Variants in SEMA3C observed in about 807,000 individuals in gnomAD.
SEMA3C encodes the protein semaphorin 3C.
In SEMA3C, 47 loss-of-function variants were observed where a neutral mutation model predicts 89.4. That is an observed-to-expected ratio of 0.53 (90% CI 0.42 to 0.67). SEMA3C has a LOEUF of 0.67. SEMA3C is among the 30% of genes least tolerant of loss of function. The pLI, the probability that SEMA3C is intolerant of heterozygous loss-of-function variation, is 0.00. For missense variants in SEMA3C, 839 were observed against 929.1 expected (o/e 0.90, Z 1.26); for synonymous variants, 310 against 320.2 (o/e 0.97, Z 0.34).
chr7:80,861,219 T>C (rs1307821270), intron 2 of SEMA3C, among the ~76,000 whole-genome samples: 2 of 152,204 alleles, frequency 1.3e-5, no homozygotes, highest in Non-Finnish European at 2.9e-5. Flanking sequence ...AGTTTATCTA[T>C]TATTGAAAAG....
intron 2 of SEMA3C, among the ~76,000 whole-genome samples, chr7:80,874,904 A>C (rs1014134906): frequency 4.6e-5 from 7 of 151,860 alleles, no homozygotes; most frequent in African/African-American, 1.7e-4. Context: ...AACAAGATGA[A>C]ACCCCAACTC....
chr7:80,754,947 G>GTTTTTTTTTTTT (rs1031680674), intron 15 of SEMA3C, among the ~76,000 whole-genome samples: 8 of 13,112 alleles, frequency 6.1e-4, no homozygotes, highest in Non-Finnish European at 1.8e-3. Context: ...CTGGCGAATT[G>GTTTTTTTTTTTT]TTTTTTTTTG....
chr7:80,876,805 A>G (rs1266778604), intron 2 of SEMA3C, among the ~76,000 whole-genome samples: 1 of 152,234 alleles, frequency 6.6e-6, no homozygotes, highest in Non-Finnish European at 1.5e-5. Context: ...CTGATTTGTC[A>G]CATGCAAAAT....
chr7:80,810,851 C>T (rs942072449), intron 5 of SEMA3C, 150 bp from the exon 6 acceptor site: 1 of 634,884 alleles, frequency 1.6e-6, no homozygotes, highest in Non-Finnish European at 2.8e-6. Context: ...AAGATTTACT[C>T]AAACTATGAG....
At chr7:80,775,817 A>G (rs1788535921) in intron 12 of SEMA3C, among the ~76,000 whole-genome samples, 1 of 152,172 alleles carries the variant, frequency 6.6e-6, no homozygotes, top group African/African-American at 2.4e-5. Context: ...TCCTATTCAA[A>G]TACTTCTGAG....
chr7:80,908,993 T>C (rs1426183023), intron 2 of SEMA3C, among the ~76,000 whole-genome samples: 23 of 152,156 alleles, frequency 1.5e-4, no homozygotes. Context: ...CAGTTTTTGT[T>C]ATATGAATAT....
chr7:80,908,654 G>A (rs929265307), intron 2 of SEMA3C, among the ~76,000 whole-genome samples: 2 of 152,180 alleles, frequency 1.3e-5, no homozygotes, highest in Admixed American at 6.5e-5. Flanking sequence ...CGTTATCTGT[G>A]CTAGGGATGG....
At chr7:80,891,128 A>G (rs1791601378) in intron 2 of SEMA3C, among the ~76,000 whole-genome samples, 1 of 152,150 alleles carries the variant, frequency 6.6e-6, no homozygotes, top group South Asian at 2.1e-4. Context: ...CATGTAATAG[A>G]GGTCTACCTT....
intron 2 of SEMA3C, among the ~76,000 whole-genome samples, chr7:80,845,968 T>A (rs918963666): frequency 3.3e-5 from 5 of 152,334 alleles, no homozygotes; most frequent in African/African-American, 1.2e-4. Context: ...AAGTCATGCC[T>A]ACTTTAAGAA....
chr7:80,789,444 G>A lies in SEMA3C; in HGVS notation c.1216C>T (p.Leu406Phe). ...DVVTFIRNHP[L>F]MYNSIYPIHK... ...ATTGGGTAGATGGAATTGTACATGA[G>A]AGGATGGTTCCGAATAAAAGTGACA... Residue 406 changes from leucine to phenylalanine, a missense_variant, in exon 12 of 18, where the codon CTC becomes TTC. By Grantham distance (22) the Leu-to-Phe change is conservative (BLOSUM62 0). Coordinates refer to ENST00000265361, the MANE Select transcript of SEMA3C (RefSeq NM_006379.5). 2 of 1,614,072 alleles carry A rather than the reference G, an allele frequency of 1.2e-6. No homozygotes were observed. The highest frequency in any genetic ancestry group is 8.5e-7 in the Non-Finnish European group (1 of 1,179,980).
intron 2 of SEMA3C, among the ~76,000 whole-genome samples, chr7:80,843,742 A>G (rs1433072332): frequency 6.6e-6 from 1 of 152,210 alleles, no homozygotes; most frequent in Non-Finnish European, 1.5e-5. Flanking sequence ...AATCTATTGA[A>G]TTAATATTAA....
chr7:80,750,577 A>G (rs1583841161), intron 16 of SEMA3C, among the ~76,000 whole-genome samples: 1 of 149,954 alleles, frequency 6.7e-6, no homozygotes, highest in East Asian at 1.9e-4. Context: ...AAATTGTAAT[A>G]TATTTTACAA....
intron 2 of SEMA3C, among the ~76,000 whole-genome samples, chr7:80,853,376 T>C (rs531037993): frequency 3.9e-5 from 6 of 152,134 alleles, no homozygotes; most frequent in Non-Finnish European, 8.8e-5. Context: ...CAAGTGTCCA[T>C]CCACAGACAA....
Position 80,917,660 on chromosome 7 carries a change from A to G in SEMA3C, c.-38-841T>C, listed in dbSNP as rs10228089. ...AAGGAAGACCAGATAATGTGTTACC[A>G]TAAACCTACAGGAGCTCTAGTGGCT... On this transcript the variant is annotated intron_variant, in intron 1 of 17. Coordinates refer to ENST00000265361, the MANE Select transcript of SEMA3C (RefSeq NM_006379.5). 9.7e-3 allele frequency among the ~76,000 whole-genome samples: 1,471 copies of G among 152,348 alleles called. 28 individuals carry two copies. Among genetic ancestry groups the G allele is most frequent in the African/African-American group, 0.033 (1,379 of 41,572 alleles).
intron 14 of SEMA3C, among the ~76,000 whole-genome samples, chr7:80,760,726 C>T (rs545269605): frequency 6.6e-6 from 1 of 152,264 alleles, no homozygotes; most frequent in South Asian, 2.1e-4. Context: ...ACAGCATTTA[C>T]TGAGGATCCA....
chr7:80,919,465 G>GT (rs928725741), upstream of SEMA3C: 2 of 829,446 alleles, frequency 2.4e-6, no homozygotes, highest in Non-Finnish European at 1.5e-6. Flanking sequence ...AGCAGTTGTG[G>GT]TTTTTTATTT....
At position 80,771,438 on chromosome 7, in the gene SEMA3C, A is replaced by G. The variant is rs1335778473; in HGVS notation, c.1355-6195T>C. On this transcript the variant is annotated intron_variant, in intron 12 of 17. Transcript: ENST00000265361. ...TTATTTTCTTTTGTTTTATTAAATC[A>G]TTAAAGAAAATTTCCTAGACAGTCT... 2.6e-5 allele frequency among the ~76,000 whole-genome samples: 4 copies of G among 152,250 alleles called. No homozygotes were observed. In the East Asian group the frequency reaches 7.7e-4, roughly 29 times the overall value.
intron 2 of SEMA3C, among the ~76,000 whole-genome samples, chr7:80,884,759 C>A (rs1427556019): frequency 1.3e-5 from 2 of 152,148 alleles, no homozygotes; most frequent in Non-Finnish European, 2.9e-5. Context: ...AGAAGAATTT[C>A]TTTATGTGTT....
intron 2 of SEMA3C, among the ~76,000 whole-genome samples, chr7:80,844,471 A>G (rs1286297686): frequency 1.3e-5 from 2 of 152,144 alleles, no homozygotes; most frequent in Non-Finnish European, 2.9e-5. Context: ...ATCATCTAGC[A>G]AAGTTACTTA....
Sources: gnomAD v4.1 joint callset for allele counts (sites outside exome capture counted in the v4.1 genomes callset) on GRCh38, gnomAD v4.1.1 for gene constraint, MANE v1.5 for transcripts, NCBI Gene and HGNC (gene_info 2026-07-23, HGNC 2026-07-21) for gene names.